Variants in SUCLG2 observed in about 807,000 individuals in gnomAD.
SUCLG2 encodes succinate-CoA ligase GDP-forming subunit beta.
A neutral mutation model predicts 47.9 loss-of-function variants in SUCLG2; 42 were observed. That is an observed-to-expected ratio of 0.88 (90% CI 0.69 to 1.14). The LOEUF (loss-of-function observed/expected upper bound fraction) is 1.14. SUCLG2 is among the 50% of genes most tolerant of loss of function. SUCLG2 has a pLI of 0.00. For synonymous variants in SUCLG2, 195 were observed against 197.3 expected (o/e 0.99, Z 0.10); for missense variants, 571 against 525.9 (o/e 1.09, Z -0.84).
chr3:67,577,431 T>C (rs992966626), intron 2 of SUCLG2, among the ~76,000 whole-genome samples: 13 of 152,038 alleles, frequency 8.6e-5, no homozygotes, highest in Admixed American at 4.6e-4. Flanking sequence ...TAAGTTTAAG[T>C]AGAATCATGA....
chr3:67,394,217 C>T (rs945230966), intron 10 of SUCLG2, among the ~76,000 whole-genome samples: 10 of 152,200 alleles, frequency 6.6e-5, no homozygotes, highest in African/African-American at 2.4e-4. Flanking sequence ...GATGATCAAA[C>T]TACTCCGAGC....
At chr3:67,393,095 C>T (rs1702430026) in intron 10 of SUCLG2, among the ~76,000 whole-genome samples, 1 of 152,216 alleles carries the variant, frequency 6.6e-6, no homozygotes, top group Non-Finnish European at 1.5e-5. Context: ...GTGAGCGACG[C>T]AGAAGACGGG....
At chr3:67,402,429 A>G (rs1214185433) in intron 9 of SUCLG2, among the ~76,000 whole-genome samples, 1 of 152,248 alleles carries the variant, frequency 6.6e-6, no homozygotes, top group East Asian at 1.9e-4. Context: ...GAAATGAACA[A>G]TATTTTTCAA....
chr3:67,511,624 C>T (rs1705792435), intron 6 of SUCLG2, among the ~76,000 whole-genome samples: 1 of 152,182 alleles, frequency 6.6e-6, no homozygotes, highest in Admixed American at 6.5e-5. Context: ...AACCTCTTTC[C>T]TTCATAAATT....
At chr3:67,544,173 T>A (rs182743438) in intron 2 of SUCLG2, among the ~76,000 whole-genome samples, 258 of 152,330 alleles carry the variant, frequency 1.7e-3, no homozygotes, top group African/African-American at 6.0e-3. Flanking sequence ...TGAAAATTTT[T>A]AATTTATAAT....
chr3:67,495,529 G>C (rs781714656), intron 9 of SUCLG2, among the ~76,000 whole-genome samples: 13 of 151,886 alleles, frequency 8.6e-5, no homozygotes, highest in Non-Finnish European at 1.5e-4. Flanking sequence ...GCGTGTGACT[G>C]TAATCCCAGC....
rs187389873 is a variant in SUCLG2, at chr3:67,474,200, C to T, written c.1062+21598G>A. On this transcript the variant is annotated intron_variant, in intron 9 of 10. Transcript: ENST00000307227. ...GCGTGAACCTGGGAGGTGGAGCTTG[C>T]AGTGAGCCGAGATTGCGCCACTGCA... Among the ~76,000 whole-genome samples, 18 of 151,884 alleles carry T rather than the reference C, an allele frequency of 1.2e-4. No homozygotes were observed. In the East Asian group the frequency reaches 3.5e-3, roughly 29 times the overall value.
At chr3:67,546,854 T>C (rs953874540) in intron 2 of SUCLG2, among the ~76,000 whole-genome samples, 3 of 152,132 alleles carry the variant, frequency 2.0e-5, no homozygotes, top group Admixed American at 1.3e-4. Flanking sequence ...CGAGCTGAGA[T>C]TGTACCACTG....
At chr3:67,633,330 A>C (rs2107355657) in intron 1 of SUCLG2, among the ~76,000 whole-genome samples, 1 of 152,306 alleles carries the variant, frequency 6.6e-6, no homozygotes, top group South Asian at 2.1e-4. Context: ...ATATTCATAA[A>C]CAATGTAGTA....
chr3:67,573,292 C>T (rs1346327007), intron 2 of SUCLG2, among the ~76,000 whole-genome samples: 1 of 152,176 alleles, frequency 6.6e-6, no homozygotes, highest in African/African-American at 2.4e-5. Context: ...GGTTTACTTT[C>T]AGAAATTGAC....
chr3:67,616,665 G>C (rs1700635757), intron 1 of SUCLG2, among the ~76,000 whole-genome samples: 1 of 152,152 alleles, frequency 6.6e-6, no homozygotes, highest in African/African-American at 2.4e-5. Context: ...TTAACACAAT[G>C]GTGTAGCCTT....
intron 7 of SUCLG2, among the ~76,000 whole-genome samples, chr3:67,506,641 G>A (rs575899564): frequency 6.6e-6 from 1 of 152,202 alleles, no homozygotes; most frequent in Non-Finnish European, 1.5e-5. Context: ...AATAAAAAAT[G>A]TATTGCAGCC....
intron 8 of SUCLG2, 44 bp from the exon 9 acceptor site, chr3:67,495,984 C>T: frequency 6.2e-7 from 1 of 1,611,544 alleles, no homozygotes. Context: ...CATTTAGCAA[C>T]ATGAAATGGT....
At chr3:67,545,680 T>C (rs1706844152) in intron 2 of SUCLG2, among the ~76,000 whole-genome samples, 1 of 152,084 alleles carries the variant, frequency 6.6e-6, no homozygotes, top group South Asian at 2.1e-4. Flanking sequence ...GCCACTTTCT[T>C]TGGTTTCCTC....
At chr3:67,381,106 G>A (rs1702148636) in intron 10 of SUCLG2, among the ~76,000 whole-genome samples, 1 of 152,116 alleles carries the variant, frequency 6.6e-6, no homozygotes. Flanking sequence ...GAGCACAGAA[G>A]GTCAAGGCTG....
At chr3:67,530,528 T>C (rs577497885) in intron 2 of SUCLG2, among the ~76,000 whole-genome samples, 1 of 152,276 alleles carries the variant, frequency 6.6e-6, no homozygotes, top group South Asian at 2.1e-4. Context: ...AGGTAAAGGT[T>C]CAAACGGAAA....
At chr3:67,396,661 A>C (rs1166288942) in intron 10 of SUCLG2, among the ~76,000 whole-genome samples, 2 of 152,208 alleles carry the variant, frequency 1.3e-5, no homozygotes, top group African/African-American at 4.8e-5. Flanking sequence ...AATCCTCCCT[A>C]ACTCATTTTA....
At chr3:67,458,394 CCTATAAT>C (rs1704240594) in intron 9 of SUCLG2, among the ~76,000 whole-genome samples, 1 of 152,152 alleles carries the variant, frequency 6.6e-6, no homozygotes, top group Admixed American at 6.5e-5. Context: ...AATAACGCCT[CCTATAAT>C]AAGTCGAGGG....
chr3:67,476,074 T>C (rs552481856), intron 9 of SUCLG2, among the ~76,000 whole-genome samples: 2 of 152,092 alleles, frequency 1.3e-5, no homozygotes, highest in Non-Finnish European at 2.9e-5. Flanking sequence ...TATGTGTAAC[T>C]AATTTATAAA....
Sources: gnomAD v4.1 joint callset for allele counts (sites outside exome capture counted in the v4.1 genomes callset) on GRCh38, gnomAD v4.1.1 for gene constraint, MANE v1.5 for transcripts, NCBI Gene and HGNC (gene_info 2026-07-23, HGNC 2026-07-21) for gene names.